The following GABRB1 variants were observed in gnomAD, a reference collection of about 807,000 sequenced individuals.
GABRB1 encodes the protein gamma-aminobutyric acid type A receptor subunit beta1, also known as gamma-aminobutyric acid receptor subunit beta-1.
Under a neutral mutation model 51.6 loss-of-function variants are expected in GABRB1, and 17 were observed. That is an observed-to-expected ratio of 0.33 (90% CI 0.23 to 0.49). The LOEUF (loss-of-function observed/expected upper bound fraction) is 0.49, where lower values mean the gene tolerates loss of function less well. GABRB1 is among the 20% of genes least tolerant of loss of function. GABRB1 has a pLI of 0.99. For missense variants in GABRB1, 410 were observed against 600.6 expected (o/e 0.68, Z 3.32); for synonymous variants, 247 against 218.9 (o/e 1.13, Z -1.14).
intron 3 of GABRB1, among the ~76,000 whole-genome samples, chr4:47,116,992 GC>G (rs1715519613): frequency 6.6e-6 from 1 of 152,088 alleles, no homozygotes; most frequent in South Asian, 2.1e-4. Context: ...AGAGCAGCAA[GC>G]GGGGAAGTCC....
chr4:47,227,090 T>C (rs1483949447), intron 4 of GABRB1, among the ~76,000 whole-genome samples: 3 of 152,210 alleles, frequency 2.0e-5, no homozygotes, highest in South Asian at 2.1e-4. Context: ...ATCAAGTGCC[T>C]GAGAGGAATG....
At chr4:47,378,886 G>C (rs1727493964) in intron 5 of GABRB1, among the ~76,000 whole-genome samples, 1 of 152,168 alleles carries the variant, frequency 6.6e-6, no homozygotes. Context: ...TCAGGGGTTA[G>C]AAATGGCAAG....
intron 4 of GABRB1, among the ~76,000 whole-genome samples, chr4:47,306,395 G>A (rs34195732): frequency 0.29 from 44,072 of 149,468 alleles, 7,335 homozygotes; most frequent in Middle Eastern, 0.41. Flanking sequence ...GAGATAGAAG[G>A]TGCGAAGTAG....
intron 3 of GABRB1, among the ~76,000 whole-genome samples, chr4:47,132,986 C>T (rs1716490244): frequency 6.6e-6 from 1 of 152,198 alleles, no homozygotes; most frequent in Non-Finnish European, 1.5e-5. Flanking sequence ...AACACTTTAG[C>T]TAAACAAAAC....
At chr4:47,265,860 G>A (rs111375681) in intron 4 of GABRB1, among the ~76,000 whole-genome samples, 1 of 152,212 alleles carries the variant, frequency 6.6e-6, no homozygotes, top group Non-Finnish European at 1.5e-5. Flanking sequence ...TTTGCCAGAT[G>A]TATAGTTTGC....
chr4:47,404,528 C>CACACACACACACACAT (rs1175767827), intron 7 of GABRB1, among the ~76,000 whole-genome samples: 1 of 150,742 alleles, frequency 6.6e-6, no homozygotes, highest in African/African-American at 2.4e-5. Flanking sequence ...CACACACACA[C>CACACACACACACACAT]ATCATTTCTG....
At chr4:47,360,567 T>C (rs1726771078) in intron 5 of GABRB1, among the ~76,000 whole-genome samples, 1 of 152,074 alleles carries the variant, frequency 6.6e-6, no homozygotes, top group Non-Finnish European at 1.5e-5. Context: ...GTTTCAAAGG[T>C]ATTTTCTGCT....
Position 47,406,824 on chromosome 4 carries a change from T to G in GABRB1, c.978T>G (p.Phe326Leu). 1 of 1,614,196 alleles carries G rather than the reference T, an allele frequency of 6.2e-7. No individual in the cohort carries two copies. The change falls in exon 8 of 9, where the codon TTT becomes TTG. Residue 326 changes from phenylalanine to leucine, a missense_variant. Phe to Leu is a conservative substitution (Grantham distance 22). Around this residue, in one of 5 missense-constraint regions of GABRB1, gnomAD observed 37 missense variants for 126.3 expected, o/e 0.29. Coordinates refer to ENST00000295454, the MANE Select transcript of GABRB1 (RefSeq NM_000812.4). ...TCCTGGCTCTGCTGGAGTATGCCTTTGTAAATTACATCTTCTTTGGGAAAG... is the reference window on the plus strand; with the variant it reads ...TCCTGGCTCTGCTGGAGTATGCCTTGGTAAATTACATCTTCTTTGGGAAAG... ...FVFLALLEYA[F>L]VNYIFFGKGP... is the part of the protein sequence containing the mutation.
chr4:47,210,361 T>C (rs1720306678), intron 4 of GABRB1, among the ~76,000 whole-genome samples: 2 of 152,158 alleles, frequency 1.3e-5, no homozygotes, highest in Admixed American at 6.6e-5. Context: ...GTAGCTGAAA[T>C]GTATTTATAG....
Position 47,409,202 on chromosome 4 carries a change from A to C in GABRB1, c.1080+2276A>C, listed in dbSNP as rs150543202. On this transcript the variant is annotated intron_variant, in intron 8 of 8. Transcript: ENST00000295454. ...CCCGAAGCCCCAGTAGGTGTGTTAC[A>C]GTGCTCCTTTAGCTCTGCCATCTGC... Among the ~76,000 whole-genome samples, 9 of 152,286 alleles carry C rather than the reference A, an allele frequency of 5.9e-5. No individual in the cohort carries two copies. The East Asian group carries it at 1.7e-3, about 29-fold the overall frequency.
chr4:47,371,895 TTA>T (rs1727212198), intron 5 of GABRB1, among the ~76,000 whole-genome samples: 1 of 152,214 alleles, frequency 6.6e-6, no homozygotes, highest in Non-Finnish European at 1.5e-5. Flanking sequence ...GGTTGTCTGT[TTA>T]TTCTGTTGAT....
chr4:47,166,165 G>A (rs894270295), intron 4 of GABRB1, among the ~76,000 whole-genome samples: 3 of 152,010 alleles, frequency 2.0e-5, no homozygotes, highest in Admixed American at 6.6e-5. Context: ...TCAAGCTTAA[G>A]TATGTTTTAA....
chr4:47,177,697 G>A (rs900338887), intron 4 of GABRB1, among the ~76,000 whole-genome samples: 1 of 152,032 alleles, frequency 6.6e-6, no homozygotes, highest in African/African-American at 2.4e-5. Flanking sequence ...TTGGTAGAAT[G>A]ACCTAAAACT....
At chr4:47,204,222 G>T (rs1577998962) in intron 4 of GABRB1, among the ~76,000 whole-genome samples, 1 of 152,244 alleles carries the variant, frequency 6.6e-6, no homozygotes, top group South Asian at 2.1e-4. Flanking sequence ...GTGCATGTGT[G>T]CTCTGGCATT....
intron 5 of GABRB1, among the ~76,000 whole-genome samples, chr4:47,332,936 T>G (rs923712310): frequency 1.3e-4 from 20 of 151,704 alleles, no homozygotes; most frequent in Non-Finnish European, 2.7e-4. Context: ...GGCTCCATTT[T>G]TTCTCTCTAA....
intron 3 of GABRB1, among the ~76,000 whole-genome samples, chr4:47,100,790 C>A (rs1032293262): frequency 6.6e-6 from 1 of 151,800 alleles, no homozygotes; most frequent in South Asian, 2.1e-4. Flanking sequence ...TCAACTCTAC[C>A]CAAATATGAG....
intron 5 of GABRB1, among the ~76,000 whole-genome samples, chr4:47,322,135 G>A (rs890938457): frequency 2.6e-5 from 4 of 152,158 alleles, no homozygotes; most frequent in Non-Finnish European, 5.9e-5. Flanking sequence ...GAAGGGATGA[G>A]GGAAGCCCAG....
At chr4:47,079,996 A>C (rs1222489796) in intron 3 of GABRB1, among the ~76,000 whole-genome samples, 1 of 152,014 alleles carries the variant, frequency 6.6e-6, no homozygotes, top group Non-Finnish European at 1.5e-5. Context: ...CTTAAAGAAT[A>C]ATAAAAAAAA....
At chr4:47,249,591 T>C (rs961946337) in intron 4 of GABRB1, among the ~76,000 whole-genome samples, 2 of 152,162 alleles carry the variant, frequency 1.3e-5, no homozygotes, top group Non-Finnish European at 1.5e-5. Context: ...GTAATTGTTT[T>C]ATAAGTTTGG....
Sources: allele counts gnomAD v4.1 joint callset (sites outside exome capture counted in the v4.1 genomes callset), GRCh38; gene constraint gnomAD v4.1.1; regional missense constraint gnomAD v4.1.1; transcripts MANE v1.5; gene names NCBI Gene and HGNC (gene_info 2026-07-23, HGNC 2026-07-21).